NQO2: variants seen among roughly 807,000 people sequenced by gnomAD.
The protein encoded by NQO2 is ribosyldihydronicotinamide dehydrogenase [quinone].
A neutral mutation model predicts 22.0 loss-of-function variants in NQO2; 18 were observed. The observed-to-expected ratio is 0.82, with a 90% confidence interval of 0.56 to 1.21. NQO2 has a LOEUF of 1.21. NQO2 is among the 50% of genes most tolerant of loss of function. The pLI is 0.00. For synonymous variants in NQO2, 106 were observed against 110.8 expected, an observed-to-expected ratio of 0.96 and a Z score of 0.28; for missense variants, 267 against 286.9, an observed-to-expected ratio of 0.93 and a Z score of 0.50.
chr6:3,018,977 A>G (rs1757436185), intron 6 of NQO2, among the ~76,000 whole-genome samples: 1 of 151,050 alleles, frequency 6.6e-6, no homozygotes, highest in Non-Finnish European at 1.5e-5. Context: ...CTTAGGGCCT[A>G]TATATTTTCT....
chr6:3,005,586 G>C, intron 1 of NQO2: 3 of 948,060 alleles, frequency 3.2e-6, no homozygotes, highest in Non-Finnish European at 3.8e-6. Context: ...GCATTGAGTT[G>C]TTTGCTTTGT....
At chr6:3,008,966 C>T (rs1048436141) in intron 2 of NQO2, among the ~76,000 whole-genome samples, 20 of 152,094 alleles carry the variant, frequency 1.3e-4, no homozygotes, top group African/African-American at 3.4e-4. Context: ...CGGGACGGGG[C>T]GAAATTAAAA....
intron 6 of NQO2, among the ~76,000 whole-genome samples, chr6:3,017,975 G>A (rs374995718): frequency 1.3e-5 from 2 of 152,230 alleles, no homozygotes; most frequent in African/African-American, 4.8e-5. Flanking sequence ...ATCCTATTAT[G>A]TCCTTTCAAA....
Position 3,012,675 on chromosome 6 carries a change from G to C in NQO2, c.303+1G>C, listed in dbSNP as rs773254328. On this transcript the variant is annotated splice_donor_variant, in intron 4 of 6. Coordinates refer to ENST00000380455, the MANE Select transcript of NQO2 (RefSeq NM_000904.6). LOFTEE classifies it high-confidence loss of function. Reference sequence around the variant, plus strand: ...GGAGGCTGACCTAGTGATATTTCAGGTTTGTTTTTCTCTAATTAATATATT... The same window carrying C: ...GGAGGCTGACCTAGTGATATTTCAGCTTTGTTTTTCTCTAATTAATATATT... The C allele has an allele frequency of 6.2e-7, 1 of 1,611,616 alleles. No homozygotes were observed. Among genetic ancestry groups the C allele is most frequent in the East Asian group, 2.2e-5 (1 of 44,832 alleles).
intron 4 of NQO2, among the ~76,000 whole-genome samples, chr6:3,013,640 C>T (rs1211753044): frequency 6.6e-6 from 1 of 152,128 alleles, no homozygotes; most frequent in Non-Finnish European, 1.5e-5. Context: ...GGAGGTGATG[C>T]CACTGCAGAG....
Position 3,006,174 on chromosome 6 carries a change from A to G in NQO2, c.-85-294A>G, listed in dbSNP as rs1440743598. On this transcript the variant is annotated intron_variant, in intron 1 of 6. Coordinates refer to ENST00000380455, the MANE Select transcript of NQO2 (RefSeq NM_000904.6). This position sits in a 1 kb window ranked among gnomAD's most constrained non-coding sequence, Gnocchi z 4.0. ...AAAACTGGGGAAGGCAGGAAGGCCA[A>G]GGAGGCTCAACTCCTGCTTCCTACC... 6.6e-6 allele frequency among the ~76,000 whole-genome samples: 1 copy of G among 152,236 alleles called. No individual in the cohort carries two copies. The highest frequency in any genetic ancestry group is 1.5e-5 in the Non-Finnish European group (1 of 68,030).
chr6:3,014,689 A>G (rs1757263997), intron 4 of NQO2, among the ~76,000 whole-genome samples: 1 of 152,228 alleles, frequency 6.6e-6, no homozygotes, highest in Non-Finnish European at 1.5e-5. Context: ...CAACATTAAT[A>G]AAAATTTCAT....
intron 1 of NQO2, chr6:3,000,291 G>A (rs1377391328): frequency 6.6e-6 from 1 of 152,524 alleles, no homozygotes; most frequent in Non-Finnish European, 1.5e-5. Context: ...GAATCGTCTG[G>A]TGGAATCTGC....
At chr6:3,009,967 T>C (rs1757088083) in intron 2 of NQO2, 58 bp from the exon 3 acceptor site, 4 of 1,540,922 alleles carry the variant, frequency 2.6e-6, no homozygotes, top group East Asian at 2.3e-5. Flanking sequence ...TTAGTCTTCA[T>C]TGAATTTAAC....
chr6:3,008,790 G>A (rs931285554), intron 2 of NQO2, among the ~76,000 whole-genome samples: 13 of 152,116 alleles, frequency 8.5e-5, no homozygotes, highest in African/African-American at 2.9e-4. Flanking sequence ...ATCACATGTC[G>A]GCAGGTTCCG....
intron 6 of NQO2, 110 bp downstream of exon 6, chr6:3,017,095 C>T (rs903307648): frequency 3.2e-5 from 41 of 1,273,278 alleles, no homozygotes; most frequent in Non-Finnish European, 4.4e-5. Flanking sequence ...CCCTCAGCTC[C>T]CCGAGGGGTG....
chr6:3,015,060 G>A (rs1266177599), intron 4 of NQO2: 1 of 1,279,516 alleles, frequency 7.8e-7, no homozygotes, highest in African/African-American at 1.5e-5. Context: ...GGAGATCTTA[G>A]CGCTGGTCTA....
intron 5 of NQO2, 144 bp from the exon 6 acceptor site, chr6:3,016,740 T>C (rs891291437): frequency 6.8e-7 from 1 of 1,467,394 alleles, no homozygotes. Context: ...CACCTATGGA[T>C]GGGAGTGTTG....
At chr6:3,012,779 G>C (rs113652067) in intron 4 of NQO2, 105 bp downstream of exon 4, 1 of 1,175,746 alleles carries the variant, frequency 8.5e-7, no homozygotes, top group African/African-American at 1.5e-5. Flanking sequence ...TCAATGTTTT[G>C]AGCACAGTTG....
chr6:3,015,679 T>A, intron 5 of NQO2, 36 bp downstream of exon 5: 1 of 1,587,786 alleles, frequency 6.3e-7, no homozygotes. Flanking sequence ...TATGGATAGT[T>A]GGAGGGAGGG....
intron 4 of NQO2, among the ~76,000 whole-genome samples, chr6:3,013,149 G>T (rs919844924): frequency 6.6e-6 from 1 of 151,716 alleles, no homozygotes; most frequent in Non-Finnish European, 1.5e-5. Flanking sequence ...TAGAGACCGG[G>T]TTTCACCGTG....
At chr6:3,004,011 C>T (rs189524818) in intron 1 of NQO2, among the ~76,000 whole-genome samples, 191 of 152,010 alleles carry the variant, frequency 1.3e-3, no homozygotes, top group East Asian at 5.8e-4. Flanking sequence ...GCCTCCATCC[C>T]CAGGACGACA....
Position 3,006,636 on chromosome 6 carries a change from A to G in NQO2, c.7+77A>G. ...TTGTTGTATTGCCCAGGCTGGTCTC[A>G]AACTCCTGAGCTCAAGTGACCCTCC... On this transcript the variant is annotated intron_variant, in intron 2 of 6. Transcript: ENST00000380455. The surrounding 1 kb of genome is among the most constrained non-coding windows in gnomAD (Gnocchi z 4.0). 1 of 1,450,984 alleles carries G rather than the reference A, an allele frequency of 6.9e-7. No individual in the cohort carries two copies. The highest frequency in any genetic ancestry group is 1.4e-5 in the South Asian group (1 of 72,194). The allele number at this position is 1,450,984 out of a possible 1,614,324, so 89.9% of individuals were successfully genotyped here.
chr6:3,010,234 G>T, intron 3 of NQO2, 45 bp downstream of exon 3: 2 of 1,457,872 alleles, frequency 1.4e-6, no homozygotes, highest in South Asian at 1.4e-5. Flanking sequence ...CCATCTTTAT[G>T]TTTTTTACTT....
Sources: allele counts gnomAD v4.1 joint callset (sites outside exome capture counted in the v4.1 genomes callset), GRCh38; gene constraint gnomAD v4.1.1; non-coding constraint Gnocchi (gnomAD v3.1); transcripts MANE v1.5; gene names NCBI Gene and HGNC (gene_info 2026-07-23, HGNC 2026-07-21).